The following PARD3B variants were observed in gnomAD, a reference collection of about 807,000 sequenced individuals.
PARD3B encodes the protein partitioning defective 3 homolog B.
A neutral mutation model predicts 130.2 loss-of-function variants in PARD3B; 103 were observed. The ratio of observed to expected loss-of-function variants is 0.79; its 90% CI spans 0.67 to 0.93. The LOEUF (loss-of-function observed/expected upper bound fraction) is 0.93, where lower values mean the gene tolerates loss of function less well. Ranked by LOEUF, PARD3B falls within the 40% of genes least tolerant of loss-of-function variation. PARD3B has a pLI of 0.00. For missense variants in PARD3B, 1,609 were observed against 1,499.2 expected (o/e 1.07, Z -1.21); for synonymous variants, 583 against 553.2 (o/e 1.05, Z -0.76).
chr2:205,024,055 G>A (rs1385263269), intron 3 of PARD3B, among the ~76,000 whole-genome samples: 2 of 151,430 alleles, frequency 1.3e-5, no homozygotes, highest in Non-Finnish European at 2.9e-5. Context: ...GGATTTCTGT[G>A]AATATAAACA....
rs2034375797 is a variant in PARD3B at position 204,623,496 on chromosome 2, A to G, written c.121-62685A>G. ...CAACAATCTTTTCTATATCTCTATA[A>G]TTTTGTCAATTAGAGTGTGTTGTGT... On this transcript the variant is annotated intron_variant, in intron 1 of 22. Coordinates refer to ENST00000406610, the MANE Select transcript of PARD3B (RefSeq NM_001302769.2). The surrounding 1 kb of genome is among the most constrained non-coding windows in gnomAD (Gnocchi z 4.5). Among the ~76,000 whole-genome samples, 1 of 152,036 alleles carries G rather than the reference A, an allele frequency of 6.6e-6. No homozygotes were observed. Among genetic ancestry groups the G allele is most frequent in the Admixed American group, 6.6e-5 (1 of 15,236 alleles).
rs1432336794 is a variant in PARD3B at position 204,907,458 on chromosome 2, C to CA, written c.223-57693dup. Among the ~76,000 whole-genome samples, 3 of 152,242 alleles carry CA rather than the reference C, an allele frequency of 2.0e-5. No homozygotes were observed. In the East Asian group the frequency reaches 5.8e-4, roughly 29 times the overall value. On this transcript the variant is annotated intron_variant, in intron 2 of 22. Coordinates refer to ENST00000406610, the MANE Select transcript of PARD3B (RefSeq NM_001302769.2). The surrounding 1 kb of genome is among the most constrained non-coding windows in gnomAD (Gnocchi z 5.7). The stretch of plus-strand genomic sequence containing the variant: ...TTCCTCTGGAGGAAAATTCCCAATG[C>CA]AGCTAATTTCTCTGGAGCCCCCTGC...
chr2:204,714,853 GAC>G (rs1393063108), intron 2 of PARD3B, among the ~76,000 whole-genome samples: 1 of 152,076 alleles, frequency 6.6e-6, no homozygotes, highest in Non-Finnish European at 1.5e-5. Flanking sequence ...TTTCCAATTT[GAC>G]AATATGTTAT....
chr2:205,387,619 A>G (rs1029511528), intron 18 of PARD3B, among the ~76,000 whole-genome samples: 3 of 152,196 alleles, frequency 2.0e-5, no homozygotes, highest in Non-Finnish European at 2.9e-5. Context: ...TCGAGTTTCC[A>G]AATAACCTTC....
chr2:205,293,773 C>T lies in PARD3B; in HGVS notation c.2186-6757C>T, dbSNP rs1402731053. The T allele has an allele frequency of 2.4e-4, 36 of 152,192 alleles. 1 individual carries two copies. The highest frequency in any genetic ancestry group is 2.3e-3 in the Admixed American group (35 of 15,282). 9.4% of individuals were successfully genotyped at this position (152,192 alleles called of 1,614,324 possible). On this transcript the variant is annotated intron_variant, in intron 16 of 22. Coordinates refer to ENST00000406610, the MANE Select transcript of PARD3B (RefSeq NM_001302769.2). ...CTGTTTCTCCATGTAAAACTTTGTTCAGTCTCACAGCACTGAAGAAAAGGG... is the reference window on the plus strand; with the variant it reads ...CTGTTTCTCCATGTAAAACTTTGTTTAGTCTCACAGCACTGAAGAAAAGGG...
In PARD3B at chr2:205,575,084, G is replaced by GACAC. The variant is rs3077829; in HGVS notation, c.3260+21708_3260+21711dup. ...AATACATTATATACACATTTAAATA[G>GACAC]ACACACACACACACACACACACACA... On this transcript the variant is annotated intron_variant, in intron 22 of 22. Coordinates refer to ENST00000406610, the MANE Select transcript of PARD3B (RefSeq NM_001302769.2). This position sits in a 1 kb window ranked among gnomAD's most constrained non-coding sequence, Gnocchi z 4.6. Among the ~76,000 whole-genome samples, 7,166 of 128,468 alleles carry GACAC rather than the reference G, an allele frequency of 0.056. 397 individuals are homozygous for GACAC. The highest frequency in any genetic ancestry group is 0.14 in the African/African-American group (5,256 of 37,748). The allele number at this position is 128,468 out of a possible 152,430, so 84.3% of individuals were successfully genotyped here. A position where few individuals can be genotyped will look rare whatever the true frequency, so the allele number is the denominator to read the frequency against.
At chr2:204,613,779 A>G (rs1405155873) in intron 1 of PARD3B, among the ~76,000 whole-genome samples, 2 of 151,774 alleles carry the variant, frequency 1.3e-5, no homozygotes, top group Non-Finnish European at 2.9e-5. Flanking sequence ...ATATTTGTTC[A>G]TTTCTCTGAG....
chr2:205,399,479 T>C (rs62171546), intron 18 of PARD3B, among the ~76,000 whole-genome samples: 109,089 of 150,850 alleles, frequency 0.72, 43,858 homozygotes, highest in East Asian at 0.98. Flanking sequence ...CTCAGCCTTC[T>C]GAGTAACTGG....
chr2:204,858,925 C>G (rs923039996), intron 2 of PARD3B, among the ~76,000 whole-genome samples: 2 of 151,030 alleles, frequency 1.3e-5, no homozygotes, highest in Admixed American at 1.3e-4. Flanking sequence ...TGCTTTTAAC[C>G]CTCACAAAAT....
intron 22 of PARD3B, among the ~76,000 whole-genome samples, chr2:205,577,741 T>C (rs1304315991): frequency 6.6e-6 from 1 of 152,182 alleles, no homozygotes; most frequent in Non-Finnish European, 1.5e-5. Context: ...TCACTTAGGT[T>C]AACAGTGTCT....
At chr2:204,889,044 ACT>A (rs2046360673) in intron 2 of PARD3B, among the ~76,000 whole-genome samples, 1 of 151,918 alleles carries the variant, frequency 6.6e-6, no homozygotes, top group African/African-American at 2.4e-5. Flanking sequence ...CTATTGCTGG[ACT>A]CCCAGAGCTC....
chr2:204,780,076 A>G (rs2125450189), intron 2 of PARD3B, among the ~76,000 whole-genome samples: 1 of 152,302 alleles, frequency 6.6e-6, no homozygotes, highest in Non-Finnish European at 1.5e-5. Flanking sequence ...GGAGACATTT[A>G]TATTAGTAAA....
chr2:204,981,650 C>T (rs2125210911), intron 3 of PARD3B, among the ~76,000 whole-genome samples: 1 of 152,298 alleles, frequency 6.6e-6, no homozygotes, highest in African/African-American at 2.4e-5. Context: ...AAGATTAAAA[C>T]TTTCTATTCT....
chr2:205,372,342 A>T (rs1206095073), intron 18 of PARD3B, among the ~76,000 whole-genome samples: 1 of 152,156 alleles, frequency 6.6e-6, no homozygotes, highest in African/African-American at 2.4e-5. Context: ...CCTTGTTATT[A>T]TAGCAATCTT....
intron 16 of PARD3B, among the ~76,000 whole-genome samples, chr2:205,257,461 C>G (rs1353853057): frequency 8.6e-5 from 13 of 152,010 alleles, no homozygotes; most frequent in South Asian, 6.2e-4. Context: ...ATACTGGCAT[C>G]AAACTGGTGA....
chr2:205,462,549 A>G (rs1208721660), intron 20 of PARD3B, among the ~76,000 whole-genome samples: 1 of 152,192 alleles, frequency 6.6e-6, no homozygotes, highest in Non-Finnish European at 1.5e-5. Context: ...GATTTTGAAA[A>G]CAGCCTGCTA....
chr2:205,029,190 G>A (rs1697247662), intron 3 of PARD3B, among the ~76,000 whole-genome samples: 1 of 151,974 alleles, frequency 6.6e-6, no homozygotes, highest in Non-Finnish European at 1.5e-5. Flanking sequence ...ATATGCACTT[G>A]GTTTTCATTA....
intron 4 of PARD3B, among the ~76,000 whole-genome samples, chr2:205,073,567 G>C (rs1365344421): frequency 6.6e-6 from 1 of 152,162 alleles, no homozygotes; most frequent in Non-Finnish European, 1.5e-5. Context: ...ATATGTGGTA[G>C]GCAGAAACTG....
Position 204,669,865 on chromosome 2 carries a change from C to G in PARD3B, c.121-16316C>G, listed in dbSNP as rs770502565. 6.6e-6 allele frequency among the ~76,000 whole-genome samples: 1 copy of G among 151,986 alleles called. No individual in the cohort carries two copies. Among genetic ancestry groups the G allele is most frequent in the Non-Finnish European group, 1.5e-5 (1 of 67,972 alleles). On this transcript the variant is annotated intron_variant, in intron 1 of 22. Transcript: ENST00000406610. The surrounding 1 kb of genome is among the most constrained non-coding windows in gnomAD (Gnocchi z 4.3). The stretch of plus-strand genomic sequence containing the variant: ...ATGCTGTTTTAGATGACAGAATAAA[C>G]ATAGTCATTTATTAAAGATAAAGGT...
Sources: gnomAD v4.1 joint callset for allele counts (sites outside exome capture counted in the v4.1 genomes callset) on GRCh38, gnomAD v4.1.1 for gene constraint, Gnocchi (gnomAD v3.1) non-coding constraint, MANE v1.5 for transcripts, NCBI Gene and HGNC (gene_info 2026-07-23, HGNC 2026-07-21) for gene names.